Variants in FCER2 observed in about 807,000 individuals in gnomAD.
FCER2 encodes low affinity immunoglobulin epsilon Fc receptor.
FCER2 carries 38 observed loss-of-function variants against 49.7 expected under a neutral mutation model. That is an observed-to-expected ratio of 0.76 (90% CI 0.59 to 1.00). FCER2 has a LOEUF of 1.00. Ranked by LOEUF, FCER2 falls within the 50% of genes least tolerant of loss-of-function variation. The pLI, the probability that FCER2 is intolerant of heterozygous loss-of-function variation, is 0.00. For synonymous variants in FCER2, 163 were observed against 164.6 expected, an observed-to-expected ratio of 0.99 and a Z score of 0.07; for missense variants, 425 against 419.5, an observed-to-expected ratio of 1.01 and a Z score of -0.11.
In FCER2 at chr19:7,690,395, C is replaced by A. The variant is rs957194543; in HGVS notation, c.621+11G>T. 1.2e-6 allele frequency: 2 copies of A among 1,612,824 alleles called. No homozygotes were observed. The highest frequency in any genetic ancestry group is 2.7e-5 in the African/African-American group (2 of 74,910). On this transcript the variant is annotated intron_variant, in intron 9 of 10. Transcript: ENST00000597921. ...CATGCTGCCCACCACCTCTGCAGAG[C>A]CCCAGCCCACCTGCTCCTCCGGGCT...
intron 8 of FCER2, among the ~76,000 whole-genome samples, chr19:7,694,228 A>G (rs2032958645): frequency 6.6e-6 from 1 of 152,184 alleles, no homozygotes; most frequent in South Asian, 2.1e-4. Flanking sequence ...GGCCAGGTGC[A>G]GTGGCTCATA....
intron 5 of FCER2, 57 bp downstream of exon 5, chr19:7,697,469 AG>A (rs1473764351): frequency 5.3e-6 from 8 of 1,509,020 alleles, no homozygotes; most frequent in East Asian, 2.3e-5. Context: ...GGGTCCAGGA[AG>A]TCATCCAAGA....
rs1396802189 is a variant in FCER2 at position 7,689,258 on chromosome 19, C to T, written c.901G>A (p.Gly301Arg). 16 of 1,613,842 alleles carry T rather than the reference C, an allele frequency of 9.9e-6. No individual in the cohort carries two copies. The highest frequency in any genetic ancestry group is 1.4e-5 in the Non-Finnish European group (16 of 1,179,924). The change falls in exon 11 of 11, where the codon GGA (glycine) becomes AGA (arginine). Residue 301 changes from glycine to arginine, a missense_variant. Transcript: ENST00000597921. ...PASEGSAESM[G>R]PDSRPDPDGR... The stretch of plus-strand genomic sequence containing the variant: ...TCAGGGTCTGGTCTTGAATCAGGTC[C>T]CATGGACTCCGCGGAACCTTCGCTG...
intron 1 of FCER2, among the ~76,000 whole-genome samples, chr19:7,701,591 G>A (rs1157832084): frequency 1.3e-5 from 2 of 152,050 alleles, no homozygotes; most frequent in African/African-American, 2.4e-5. Flanking sequence ...TCAAACCCGG[G>A]ACCCTTGAGC....
chr19:7,699,635 T>A, intron 2 of FCER2, 104 bp downstream of exon 2: 1 of 1,322,268 alleles, frequency 7.6e-7, no homozygotes, highest in Non-Finnish European at 1.1e-6. Context: ...AAATTCACCC[T>A]CTTTCCCAGA....
Position 7,697,056 on chromosome 19 carries a change from G to A in FCER2, c.336C>T (p.Asn112=), listed in dbSNP as rs373387153. ...TCAGATCTGCTTGAAGCCCGTTCAGGTTCCAGGACAGCTCCAAGTCTGGTG... is the reference window on the plus strand; with the variant it reads ...TCAGATCTGCTTGAAGCCCGTTCAGATTCCAGGACAGCTCCAAGTCTGGTG... ...LKSQDLELSW[N]LNGLQADLSS... is the part of the protein sequence containing the mutation. The change falls in exon 7 of 11, where the codon AAC becomes AAT. Residue 112 remains asparagine, a synonymous_variant. Coordinates refer to ENST00000597921, the MANE Select transcript of FCER2 (RefSeq NM_001220500.2). The A allele has an allele frequency of 1.9e-5, 30 of 1,612,734 alleles. No homozygotes were observed. Among genetic ancestry groups the A allele is most frequent in the Non-Finnish European group, 2.5e-5 (30 of 1,179,460 alleles).
rs2032838507 is a variant in FCER2, at chr19:7,690,568, G to A, written c.470-11C>T. 1 of 1,612,862 alleles carries A rather than the reference G, an allele frequency of 6.2e-7. No homozygotes were observed. The highest frequency in any genetic ancestry group is 1.7e-4 in the Middle Eastern group (1 of 6,052). The stretch of plus-strand genomic sequence containing the variant: ...TGTTGCACACAAAGCCTGGGGTGGA[G>A]GAGAGGCTCGGGGGTGGGGCCAATG... On this transcript the variant is annotated splice_polypyrimidine_tract_variant and intron_variant, in intron 8 of 10. Coordinates refer to ENST00000597921, the MANE Select transcript of FCER2 (RefSeq NM_001220500.2).
intron 3 of FCER2, 62 bp from the exon 4 acceptor site, chr19:7,698,471 A>T: frequency 7.6e-7 from 1 of 1,322,220 alleles, no homozygotes; most frequent in Non-Finnish European, 1.1e-6. Context: ...ACCTGCCTGC[A>T]CCCCACCTCC....
Position 7,697,572 on chromosome 19 carries a change from T to C in FCER2, c.208A>G (p.Asn70Asp), listed in dbSNP as rs765399497. 5.6e-6 allele frequency: 9 copies of C among 1,613,854 alleles called. No homozygotes were observed. The highest frequency in any genetic ancestry group is 1.6e-4 in the Middle Eastern group (1 of 6,084). ...AARNVSQVSK[N>D]LESHHGDQMA... ...TGGTCACCGTGGTGGCTTTCCAAGT[T>C]CTTGGAAACTTGAGAGACTGGAGCG... The change falls in exon 5 of 11, where the codon AAC (asparagine) becomes GAC (aspartate). Residue 70 changes from asparagine (N) to aspartate (D), a missense_variant. Asn to Asp is a conservative substitution (Grantham distance 23, BLOSUM62 1). Coordinates refer to ENST00000597921, the MANE Select transcript of FCER2 (RefSeq NM_001220500.2).
chr19:7,694,779 G>A (rs898042859), intron 8 of FCER2, among the ~76,000 whole-genome samples: 1 of 152,106 alleles, frequency 6.6e-6, no homozygotes, highest in Non-Finnish European at 1.5e-5. Flanking sequence ...AATCAAGGGT[G>A]GGGGCATTAG....
rs1351337545 is a variant in FCER2, at chr19:7,689,221, G to T, written c.938C>A (p.Pro313His). ...DSRPDPDGRLPTPSAPLHS is the reference protein window; with the variant it reads ...DSRPDPDGRLHTPSAPLHS ...AGAGTGGAGAGGGGCAGAGGGGGTG[G>T]GCAGGCGGCCGTCAGGGTCTGGTCT... The change falls in exon 11 of 11, where the codon CCC becomes CAC. Residue 313 changes from proline (P) to histidine (H), a missense_variant. Coordinates refer to ENST00000597921, the MANE Select transcript of FCER2 (RefSeq NM_001220500.2). 6.2e-7 allele frequency: 1 copy of T among 1,612,768 alleles called. No homozygotes were observed. The highest frequency in any genetic ancestry group is 1.3e-5 in the African/African-American group (1 of 74,948).
At chr19:7,698,537 A>G (rs2033077833) in intron 3 of FCER2, 128 bp from the exon 4 acceptor site, 1 of 912,110 alleles carries the variant, frequency 1.1e-6, no homozygotes, top group South Asian at 1.5e-5. Context: ...AGTGTGGAGG[A>G]CAGGGATGCT....
Position 7,698,441 on chromosome 19 carries a change from G to C in FCER2, c.137-32C>G, listed in dbSNP as rs774623335. On this transcript the variant is annotated intron_variant, in intron 3 of 10. Coordinates refer to ENST00000597921, the MANE Select transcript of FCER2 (RefSeq NM_001220500.2). ...AGGGGGAGAGAAGAGGAGTGGAGAGGGGGGATTGTCAGTGCCCCCACCTGC... is the reference window on the plus strand; with the variant it reads ...AGGGGGAGAGAAGAGGAGTGGAGAGCGGGGATTGTCAGTGCCCCCACCTGC... 9 of 1,564,440 alleles carry C rather than the reference G, an allele frequency of 5.8e-6. No individual in the cohort carries two copies. In the African/African-American group the frequency reaches 6.8e-5, roughly 12 times the overall value.
At chr19:7,697,427 C>CG in intron 5 of FCER2, 100 bp downstream of exon 5, 1 of 1,466,302 alleles carries the variant, frequency 6.8e-7, no homozygotes, top group East Asian at 2.3e-5. Flanking sequence ...TCCCGGGTGT[C>CG]GGGGGTGGGG....
intron 10 of FCER2, among the ~76,000 whole-genome samples, 191 bp from the exon 11 acceptor site, chr19:7,689,621 GTTTA>G (rs757928264): frequency 2.2e-4 from 34 of 151,952 alleles, no homozygotes; most frequent in South Asian, 2.1e-4. Flanking sequence ...TTGTTTGTTT[GTTTA>G]TTTATTTATT....
At chr19:7,694,568 G>A (rs1013682601) in intron 8 of FCER2, among the ~76,000 whole-genome samples, 1 of 152,088 alleles carries the variant, frequency 6.6e-6, no homozygotes, top group African/African-American at 2.4e-5. Flanking sequence ...AGAATTAGGA[G>A]GTGACCTGTC....
chr19:7,694,599 G>A (rs1268337610), intron 8 of FCER2, among the ~76,000 whole-genome samples: 1 of 152,158 alleles, frequency 6.6e-6, no homozygotes, highest in African/African-American at 2.4e-5. Flanking sequence ...ATGGTCCAGA[G>A]TGCTCTTCCC....
intron 8 of FCER2, among the ~76,000 whole-genome samples, chr19:7,695,920 CTTTTTTT>C (rs60387474): frequency 6.2e-5 from 5 of 80,678 alleles, no homozygotes; most frequent in Non-Finnish European, 9.3e-5. Context: ...CCATCTCTCT[CTTTTTTT>C]TTTTTTTTTT....
intron 3 of FCER2, 28 bp downstream of exon 3, chr19:7,698,713 G>GACCACATGGAGCTGGGGGT (rs1568490900): frequency 1.2e-6 from 2 of 1,607,046 alleles, no homozygotes; most frequent in Non-Finnish European, 1.7e-6. Flanking sequence ...GAGTTGGGGG[G>GACCACATGGAGCTGGGGGT]ACCACATGGA....
Sources: allele counts gnomAD v4.1 joint callset (sites outside exome capture counted in the v4.1 genomes callset), GRCh38; gene constraint gnomAD v4.1.1; transcripts MANE v1.5; gene names NCBI Gene and HGNC (gene_info 2026-07-23, HGNC 2026-07-21).